CCDC3: variants seen among roughly 807,000 people sequenced by gnomAD.
CCDC3 encodes coiled-coil domain-containing protein 3.
Under a neutral mutation model 21.4 loss-of-function variants are expected in CCDC3, and 24 were observed. That is an observed-to-expected ratio of 1.12 (90% CI 0.81 to 1.58). CCDC3 has a LOEUF of 1.58. CCDC3 is among the 40% of genes most tolerant of loss of function. The pLI is 0.00. For synonymous variants in CCDC3, 186 were observed against 166.0 expected, an observed-to-expected ratio of 1.12 and a Z score of -0.93; for missense variants, 425 against 360.9, an observed-to-expected ratio of 1.18 and a Z score of -1.44.
chr10:12,999,854 C>A (rs1835819271), intron 1 of CCDC3, among the ~76,000 whole-genome samples: 3 of 152,150 alleles, frequency 2.0e-5, no homozygotes, highest in African/African-American at 7.2e-5. Flanking sequence ...ACATGAAACC[C>A]TAAGTTTCTC....
chr10:13,093,096 A>C (rs1351625943), intron 3 of CCDC3, among the ~76,000 whole-genome samples: 1 of 151,168 alleles, frequency 6.6e-6, no homozygotes, highest in East Asian at 1.9e-4. Context: ...CATTTATGAC[A>C]ATTTAACCAG....
chr10:12,937,258 G>A (rs1284505188), intron 2 of CCDC3, among the ~76,000 whole-genome samples: 1 of 152,134 alleles, frequency 6.6e-6, no homozygotes, highest in Non-Finnish European at 1.5e-5. Flanking sequence ...ACTGATCTAA[G>A]AGGAGCTTGT....
chr10:13,072,382 TGG>T (rs1836894514), intron 4 of CCDC3, among the ~76,000 whole-genome samples: 1 of 152,178 alleles, frequency 6.6e-6, no homozygotes, highest in Admixed American at 6.5e-5. Flanking sequence ...TAACCGCCGT[TGG>T]ATGTACTTCT....
exon 4 of CCDC3, chr10:13,074,017 TC>T (rs1312647218): frequency 6.6e-6 from 1 of 151,830 alleles, no homozygotes; most frequent in African/African-American, 2.4e-5. Flanking sequence ...CTTGAAGAAT[TC>T]CATTGAACTG....
intron 3 of CCDC3, among the ~76,000 whole-genome samples, chr10:13,092,189 C>T (rs116878588): frequency 2.8e-3 from 433 of 152,208 alleles, no homozygotes; most frequent in Non-Finnish European, 4.3e-3. Context: ...TTAAACAATT[C>T]GTGAGTATGG....
intron 2 of CCDC3, among the ~76,000 whole-genome samples, chr10:12,959,936 T>C (rs1250728404): frequency 6.6e-6 from 1 of 152,106 alleles, no homozygotes; most frequent in Admixed American, 6.5e-5. Flanking sequence ...AGCGGATAAT[T>C]TGAGGTCAAG....
At chr10:13,091,329 G>A (rs1832565654) in intron 3 of CCDC3, among the ~76,000 whole-genome samples, 1 of 152,148 alleles carries the variant, frequency 6.6e-6, no homozygotes. Flanking sequence ...ATTAGGTCAT[G>A]AGAGGAGAGC....
At chr10:12,968,169 A>AT (rs2131262342) in intron 2 of CCDC3, among the ~76,000 whole-genome samples, 1 of 146,798 alleles carries the variant, frequency 6.8e-6, no homozygotes, top group East Asian at 2.1e-4. Flanking sequence ...ACTTCACCTC[A>AT]GAAAAAAAAA....
chr10:12,974,198 G>A (rs767302556), intron 2 of CCDC3, among the ~76,000 whole-genome samples: 2 of 152,220 alleles, frequency 1.3e-5, no homozygotes, highest in Non-Finnish European at 2.9e-5. Context: ...AAAGCCTGCC[G>A]GGTACGGCGA....
intron 2 of CCDC3, among the ~76,000 whole-genome samples, chr10:12,910,614 T>A (rs1834257214): frequency 6.7e-6 from 1 of 149,260 alleles, no homozygotes; most frequent in Non-Finnish European, 1.5e-5. Flanking sequence ...AAAAAAAATT[T>A]TTTTTTTTTT....
intron 5 of CCDC3, among the ~76,000 whole-genome samples, chr10:13,041,984 C>T (rs372350935): frequency 1.1e-4 from 17 of 152,306 alleles, no homozygotes; most frequent in Admixed American, 2.6e-4. Flanking sequence ...CACTCACCAC[C>T]ATCTCCCTAA....
chr10:13,002,825 G>A (rs1176705319), upstream of CCDC3, among the ~76,000 whole-genome samples: 3 of 152,190 alleles, frequency 2.0e-5, no homozygotes, highest in East Asian at 5.8e-4. Flanking sequence ...TGCTAGGGTT[G>A]GTTACTGGTG....
At chr10:12,969,171 C>T (rs993052775) in intron 2 of CCDC3, among the ~76,000 whole-genome samples, 3 of 151,986 alleles carry the variant, frequency 2.0e-5, no homozygotes, top group South Asian at 2.1e-4. Context: ...TCTCTAAAGA[C>T]GACATACAAA....
intron 2 of CCDC3, among the ~76,000 whole-genome samples, chr10:12,993,845 T>C (rs1467252199): frequency 6.6e-6 from 1 of 152,192 alleles, no homozygotes; most frequent in Non-Finnish European, 1.5e-5. Flanking sequence ...GGAGAGGTGC[T>C]GGAAAGGAAC....
chr10:12,950,113 T>C (rs1258693332), intron 2 of CCDC3, among the ~76,000 whole-genome samples: 1 of 152,310 alleles, frequency 6.6e-6, no homozygotes, highest in East Asian at 1.9e-4. Flanking sequence ...CTTTCCTGCA[T>C]CTACTGTTCT....
intron 2 of CCDC3, among the ~76,000 whole-genome samples, chr10:12,948,504 C>T (rs1295081640): frequency 6.6e-6 from 1 of 151,862 alleles, no homozygotes; most frequent in Non-Finnish European, 1.5e-5. Context: ...CGGGAGGGGC[C>T]ACCTTCAGCT....
chr10:12,902,652 C>T (rs1444665248), intron 2 of CCDC3, among the ~76,000 whole-genome samples: 1 of 152,116 alleles, frequency 6.6e-6, no homozygotes, highest in Non-Finnish European at 1.5e-5. Context: ...GGCTCGATGG[C>T]GGTGTTCAGA....
intron 3 of CCDC3, among the ~76,000 whole-genome samples, chr10:13,092,101 CTG>C (rs1335440763): frequency 6.6e-6 from 1 of 152,182 alleles, no homozygotes; most frequent in East Asian, 1.9e-4. Flanking sequence ...GGCGGGCACA[CTG>C]TGAACATACA....
chr10:13,043,501 G>A (rs1321669299), intron 5 of CCDC3, among the ~76,000 whole-genome samples: 1 of 152,142 alleles, frequency 6.6e-6, no homozygotes, highest in Non-Finnish European at 1.5e-5. Context: ...GCTGAGGCAG[G>A]AGAATCGCCT....
Sources: allele counts gnomAD v4.1 joint callset (sites outside exome capture counted in the v4.1 genomes callset), GRCh38; gene constraint gnomAD v4.1.1; transcripts MANE v1.5; gene names NCBI Gene and HGNC (gene_info 2026-07-23, HGNC 2026-07-21).